The following LCLAT1 variants were observed in gnomAD, a reference collection of about 807,000 sequenced individuals.
LCLAT1 encodes lysocardiolipin acyltransferase 1, also known as 1-AGP acyltransferase 8.
In LCLAT1, 11 loss-of-function variants were observed where a neutral mutation model predicts 30.7. The ratio of observed to expected loss-of-function variants is 0.36; its 90% CI spans 0.23 to 0.59. The LOEUF (loss-of-function observed/expected upper bound fraction) is 0.59. Ranked by LOEUF, LCLAT1 falls within the 20% of genes least tolerant of loss-of-function variation. The pLI, the probability that LCLAT1 is intolerant of heterozygous loss-of-function variation, is 0.77. For synonymous variants in LCLAT1, 155 were observed against 151.3 expected (o/e 1.02, Z -0.18); for missense variants, 402 against 458.6 (o/e 0.88, Z 1.13).
intron 5 of LCLAT1, among the ~76,000 whole-genome samples, chr2:30,633,185 C>T (rs777356117): frequency 4.6e-5 from 7 of 152,098 alleles, no homozygotes; most frequent in Non-Finnish European, 7.4e-5. Context: ...GTTTTATCTT[C>T]TTAGAGTAAC....
At chr2:30,606,047 A>C (rs1372174298) in intron 5 of LCLAT1, 4 of 1,298,236 alleles carry the variant, frequency 3.1e-6, no homozygotes, top group Middle Eastern at 2.1e-4. Flanking sequence ...GTAAAGGACC[A>C]CTTCAAGGAG....
intron 1 of LCLAT1, among the ~76,000 whole-genome samples, chr2:30,457,107 T>A (rs1398661465): frequency 6.6e-6 from 1 of 152,222 alleles, no homozygotes; most frequent in Non-Finnish European, 1.5e-5. Flanking sequence ...TTAAGAGGTT[T>A]GACAGTATAG....
At chr2:30,584,907 C>A (rs1347420564) in intron 5 of LCLAT1, among the ~76,000 whole-genome samples, 1 of 144,680 alleles carries the variant, frequency 6.9e-6, no homozygotes, top group Non-Finnish European at 1.5e-5. Flanking sequence ...GTGGAAGAAC[C>A]ACTTGCTGCC....
At chr2:30,573,376 A>G (rs1427306038) in intron 5 of LCLAT1, among the ~76,000 whole-genome samples, 1 of 152,204 alleles carries the variant, frequency 6.6e-6, no homozygotes, top group African/African-American at 2.4e-5. Flanking sequence ...TTGTAGCCAG[A>G]GAGTCAAGCC....
chr2:30,499,025 A>G (rs1242307178), intron 1 of LCLAT1, among the ~76,000 whole-genome samples: 1 of 152,208 alleles, frequency 6.6e-6, no homozygotes, highest in East Asian at 1.9e-4. Context: ...TAAACTGTCA[A>G]AAGTGAATCT....
At chr2:30,607,415 G>C (rs145459348) in intron 5 of LCLAT1, 6 of 152,144 alleles carry the variant, frequency 3.9e-5, no homozygotes, top group Admixed American at 6.5e-5. Flanking sequence ...AACACATAAT[G>C]ACGTTCTAGT....
chr2:30,630,377 T>G (rs988795185), intron 5 of LCLAT1, among the ~76,000 whole-genome samples: 7 of 152,320 alleles, frequency 4.6e-5, no homozygotes, highest in African/African-American at 1.7e-4. Context: ...GTGTTTTATG[T>G]GAATAAGTAT....
intron 1 of LCLAT1, among the ~76,000 whole-genome samples, chr2:30,520,024 C>A (rs768965219): frequency 1.3e-5 from 2 of 152,168 alleles, no homozygotes; most frequent in Admixed American, 1.3e-4. Context: ...TGTTTCTGTG[C>A]GGCTAAGTGC....
intron 5 of LCLAT1, among the ~76,000 whole-genome samples, chr2:30,636,104 G>C (rs1669011954): frequency 6.6e-6 from 1 of 152,140 alleles, no homozygotes; most frequent in Non-Finnish European, 1.5e-5. Context: ...CTTCTTCTTA[G>C]AACCCTTGGC....
intron 5 of LCLAT1, among the ~76,000 whole-genome samples, chr2:30,629,092 T>C (rs1558567034): frequency 6.6e-6 from 1 of 151,926 alleles, no homozygotes; most frequent in Non-Finnish European, 1.5e-5. Flanking sequence ...GAGGAGCAAA[T>C]CCAACAAAAT....
At chr2:30,516,358 C>T (rs763715923) in intron 1 of LCLAT1, among the ~76,000 whole-genome samples, 17 of 152,158 alleles carry the variant, frequency 1.1e-4, no homozygotes, top group South Asian at 2.1e-4. Flanking sequence ...GTCGCAGACC[C>T]GCCATTGACT....
intron 1 of LCLAT1, among the ~76,000 whole-genome samples, chr2:30,512,024 T>G (rs1684962767): frequency 6.6e-6 from 1 of 152,372 alleles, no homozygotes; most frequent in South Asian, 2.1e-4. Context: ...TCAGCCAGGA[T>G]AGTCAACATT....
chr2:30,584,568 G>A (rs1666346044), intron 5 of LCLAT1, among the ~76,000 whole-genome samples: 1 of 152,104 alleles, frequency 6.6e-6, no homozygotes, highest in African/African-American at 2.4e-5. Context: ...ACAATATCCT[G>A]GAAGGTTCTC....
At chr2:30,623,586 A>C (rs570577624) in intron 5 of LCLAT1, among the ~76,000 whole-genome samples, 48 of 152,276 alleles carry the variant, frequency 3.2e-4, no homozygotes, top group East Asian at 5.8e-4. Flanking sequence ...GGGAAAAAAA[A>C]AACAACAAAG....
intron 1 of LCLAT1, among the ~76,000 whole-genome samples, chr2:30,492,270 G>C (rs1558473182): frequency 6.6e-6 from 1 of 152,194 alleles, no homozygotes; most frequent in Non-Finnish European, 1.5e-5. Flanking sequence ...TCTAGGGAAG[G>C]AAGGAGACTT....
chr2:30,485,296 A>T (rs1284190115), intron 1 of LCLAT1, among the ~76,000 whole-genome samples: 1 of 152,180 alleles, frequency 6.6e-6, no homozygotes, highest in Non-Finnish European at 1.5e-5. Context: ...TACATGACGT[A>T]TTTGGAACTT....
chr2:30,625,723 A>C (rs1337073748), intron 5 of LCLAT1, among the ~76,000 whole-genome samples: 12 of 152,228 alleles, frequency 7.9e-5, no homozygotes. Context: ...ACAGTCTGCT[A>C]TAGTTTTGAT....
At chr2:30,588,996 A>C (rs1304488476) in intron 5 of LCLAT1, among the ~76,000 whole-genome samples, 1 of 152,232 alleles carries the variant, frequency 6.6e-6, no homozygotes, top group East Asian at 1.9e-4. Context: ...AGGTTATTGA[A>C]AAAAATCTTA....
chr2:30,459,687 C>T, intron 1 of LCLAT1: 1 of 1,614,026 alleles, frequency 6.2e-7, no homozygotes, highest in Non-Finnish European at 8.5e-7. Context: ...CTAGCTACTG[C>T]ACGTACTTCA....
Sources: allele counts gnomAD v4.1 joint callset (sites outside exome capture counted in the v4.1 genomes callset), GRCh38; gene constraint gnomAD v4.1.1; transcripts MANE v1.5; gene names NCBI Gene and HGNC (gene_info 2026-07-23, HGNC 2026-07-21).